Variants in FYN observed in about 807,000 individuals in gnomAD.
FYN encodes the protein tyrosine-protein kinase Fyn.
In FYN, 10 loss-of-function variants were observed where a neutral mutation model predicts 70.2. The observed-to-expected ratio is 0.14, with a 90% CI of 0.09 to 0.24. FYN has a LOEUF of 0.24. Ranked by LOEUF, FYN falls within the 10% of genes least tolerant of loss-of-function variation. The pLI is 1.00. For missense variants in FYN, 319 were observed against 673.1 expected (o/e 0.47, Z 5.82); for synonymous variants, 236 against 248.6 (o/e 0.95, Z 0.48).
intron 2 of FYN, among the ~76,000 whole-genome samples, chr6:111,829,847 C>T: frequency 6.6e-6 from 1 of 152,154 alleles, no homozygotes; most frequent in East Asian, 1.9e-4. Flanking sequence ...TACCCTGTGC[C>T]TGGCTTGGTG....
At chr6:111,842,774 T>A (rs1773403100) in intron 2 of FYN, among the ~76,000 whole-genome samples, 1 of 152,156 alleles carries the variant, frequency 6.6e-6, no homozygotes, top group Non-Finnish European at 1.5e-5. Flanking sequence ...AGAATTAGAT[T>A]TTCCCCCCAC....
At chr6:111,663,941 C>G (rs939900286) in intron 13 of FYN, among the ~76,000 whole-genome samples, 32 of 152,246 alleles carry the variant, frequency 2.1e-4, no homozygotes, top group African/African-American at 7.5e-4. Flanking sequence ...ATTTCCTTCT[C>G]CACAATTCCA....
chr6:111,737,336 T>C (rs1383760448), intron 3 of FYN, among the ~76,000 whole-genome samples: 1 of 152,186 alleles, frequency 6.6e-6, no homozygotes. Context: ...ACTTAAGACA[T>C]GAGTCACAGG....
intron 3 of FYN, among the ~76,000 whole-genome samples, chr6:111,721,259 G>C (rs1562490605): frequency 6.6e-6 from 1 of 152,170 alleles, no homozygotes; most frequent in East Asian, 1.9e-4. Flanking sequence ...ATTAAAACAG[G>C]GCCTGTTTAT....
chr6:111,699,032 A>T (rs1040309710), intron 9 of FYN, among the ~76,000 whole-genome samples: 1 of 152,200 alleles, frequency 6.6e-6, no homozygotes, highest in Non-Finnish European at 1.5e-5. Context: ...GCAGTGAGCC[A>T]ATATCGCGCC....
chr6:111,680,666 G>A (rs1361874188), intron 12 of FYN, among the ~76,000 whole-genome samples: 1 of 152,194 alleles, frequency 6.6e-6, no homozygotes, highest in Non-Finnish European at 1.5e-5. Flanking sequence ...TCAGCAATTA[G>A]CAATTGGGTA....
At chr6:111,735,292 A>G (rs578257635) in intron 3 of FYN, among the ~76,000 whole-genome samples, 20 of 152,322 alleles carry the variant, frequency 1.3e-4, no homozygotes, top group African/African-American at 4.6e-4. Context: ...TGAAATGTGT[A>G]GCTGGGTAAG....
chr6:111,786,021 A>C (rs911229560), intron 2 of FYN, among the ~76,000 whole-genome samples: 1 of 151,154 alleles, frequency 6.6e-6, no homozygotes, highest in East Asian at 2.0e-4. Context: ...ATGGCTGCAT[A>C]GTATTCCATA....
intron 3 of FYN, among the ~76,000 whole-genome samples, chr6:111,749,092 C>A (rs1802373689): frequency 1.3e-5 from 2 of 152,152 alleles, no homozygotes; most frequent in African/African-American, 4.8e-5. Flanking sequence ...TCTTCCTGGG[C>A]CTCAGTCACT....
rs531087047 is a variant in FYN at position 111,739,526 on chromosome 6, C to T, written c.-11-19464G>A. 3.9e-5 allele frequency among the ~76,000 whole-genome samples: 6 copies of T among 152,316 alleles called. No individual in the cohort carries two copies. In the East Asian group the frequency reaches 7.7e-4, roughly 20 times the overall value. The stretch of plus-strand genomic sequence containing the variant: ...CCGCCTGTCTCATGAGAGGCCCCGC[C>T]GCTGGGCAGTTCATTATTTGAGTGG... On this transcript the variant is annotated intron_variant, in intron 3 of 13. Transcript: ENST00000354650.
chr6:111,852,424 T>C (rs1425752937), intron 1 of FYN, among the ~76,000 whole-genome samples: 2 of 152,158 alleles, frequency 1.3e-5, no homozygotes, highest in Non-Finnish European at 2.9e-5. Context: ...ACAAACACCG[T>C]GTGGAGACAG....
chr6:111,861,816 T>C (rs1457058442), intron 1 of FYN, among the ~76,000 whole-genome samples: 1 of 152,240 alleles, frequency 6.6e-6, no homozygotes, highest in East Asian at 1.9e-4. Flanking sequence ...GAAAACATTT[T>C]ATAAAGCTTG....
chr6:111,834,638 G>A (rs758851904), intron 2 of FYN, among the ~76,000 whole-genome samples: 3 of 152,196 alleles, frequency 2.0e-5, no homozygotes, highest in South Asian at 2.1e-4. Flanking sequence ...GCAAGGGAAC[G>A]TGCAAGGAGT....
intron 3 of FYN, among the ~76,000 whole-genome samples, chr6:111,766,760 C>G (rs1803243223): frequency 6.6e-6 from 1 of 152,122 alleles, no homozygotes; most frequent in African/African-American, 2.4e-5. Context: ...ATCACGAAAA[C>G]AGCAGCACGG....
At chr6:111,669,471 C>T (rs1798166604) in intron 13 of FYN, among the ~76,000 whole-genome samples, 2 of 144,768 alleles carry the variant, frequency 1.4e-5, no homozygotes, top group South Asian at 4.5e-4. Flanking sequence ...GAAAGTGTTC[C>T]TGTTCTACCA....
intron 2 of FYN, among the ~76,000 whole-genome samples, chr6:111,788,227 G>C (rs1583445221): frequency 6.6e-6 from 1 of 152,164 alleles, no homozygotes; most frequent in East Asian, 1.9e-4. Context: ...AAAATGGCCA[G>C]GTCCTTGAGG....
Position 111,764,688 on chromosome 6 carries a change from C to T in FYN, c.-12+15878G>A, listed in dbSNP as rs1441110245. Among the ~76,000 whole-genome samples the T allele has an allele frequency of 3.9e-5, 6 of 152,052 alleles. No homozygotes were observed. The East Asian group carries it at 1.2e-3, about 29-fold the overall frequency. ...GACCTAATTAGAGTGCATTCTCCCA[C>T]GTCACTTATCAACTGTCTTAACTCG... On this transcript the variant is annotated intron_variant, in intron 3 of 13. Coordinates refer to ENST00000354650, the MANE Select transcript of FYN (RefSeq NM_002037.5).
chr6:111,727,464 C>A (rs1270746918), intron 3 of FYN, among the ~76,000 whole-genome samples: 1 of 152,116 alleles, frequency 6.6e-6, no homozygotes, highest in Non-Finnish European at 1.5e-5. Context: ...CCACCAAGCA[C>A]AAAATAACAG....
At chr6:111,769,039 TC>T (rs928104194) in intron 3 of FYN, among the ~76,000 whole-genome samples, 2 of 152,146 alleles carry the variant, frequency 1.3e-5, no homozygotes, top group Non-Finnish European at 2.9e-5. Flanking sequence ...CTGTTCTAAT[TC>T]CAAATGCAAC....
Sources: allele counts gnomAD v4.1 joint callset (sites outside exome capture counted in the v4.1 genomes callset), GRCh38; gene constraint gnomAD v4.1.1; transcripts MANE v1.5; gene names NCBI Gene and HGNC (gene_info 2026-07-23, HGNC 2026-07-21).